UBR1: variants seen among roughly 807,000 people sequenced by gnomAD.
UBR1 encodes E3 ubiquitin-protein ligase UBR1.
UBR1 carries 102 observed loss-of-function variants against 242.1 expected under a neutral mutation model. The ratio of observed to expected loss-of-function variants is 0.42; its 90% CI spans 0.36 to 0.50. UBR1 has a LOEUF of 0.50. Ranked by LOEUF, UBR1 falls within the 20% of genes least tolerant of loss-of-function variation. The probability of loss-of-function intolerance (pLI) is 0.01; values close to 1 mark genes in which losing one functional copy is unlikely to be tolerated. For synonymous variants in UBR1, 675 were observed against 684.8 expected, an observed-to-expected ratio of 0.99 and a Z score of 0.22; for missense variants, 1,772 against 2,101.8, an observed-to-expected ratio of 0.84 and a Z score of 3.07.
At chr15:43,022,656 T>C in intron 26 of UBR1, 46 bp downstream of exon 26, 1 of 1,389,234 alleles carries the variant, frequency 7.2e-7, no homozygotes, top group Non-Finnish European at 1.0e-6. Context: ...CCTTAAGATC[T>C]AGACTTTCAA....
chr15:42,981,404 G>A (rs2032376003), intron 37 of UBR1, among the ~76,000 whole-genome samples: 1 of 152,124 alleles, frequency 6.6e-6, no homozygotes, highest in Admixed American at 6.6e-5. Context: ...TATCTATTAT[G>A]TGTACTCCCT....
chr15:43,053,959 T>C (rs2033586267), intron 12 of UBR1, among the ~76,000 whole-genome samples: 2 of 152,132 alleles, frequency 1.3e-5, no homozygotes, highest in Admixed American at 1.3e-4. Context: ...CATGGCAATT[T>C]TTAAAAAATG....
chr15:43,061,841 T>A (rs1324478537), intron 6 of UBR1, among the ~76,000 whole-genome samples: 2 of 152,018 alleles, frequency 1.3e-5, no homozygotes, highest in African/African-American at 4.8e-5. Flanking sequence ...GATAAAAGAC[T>A]ACAAATAGGA....
rs961246072 is a variant in UBR1, at chr15:42,984,090, G to A, written c.4054-97C>T. ...TGGTAAAAACCAACTCTAGTTTGTC[G>A]GAATTAGCTGCAGACTCATTATATA... On this transcript the variant is annotated intron_variant, in intron 36 of 46. Coordinates refer to ENST00000290650, the MANE Select transcript of UBR1 (RefSeq NM_174916.3). 30 of 790,686 alleles carry A rather than the reference G, an allele frequency of 3.8e-5. 1 individual carries two copies. Among genetic ancestry groups the A allele is most frequent in the Admixed American group, 6.9e-5 (3 of 43,308 alleles). 49.0% of individuals were successfully genotyped at this position (790,686 alleles called of 1,614,324 possible).
intron 22 of UBR1, among the ~76,000 whole-genome samples, 180 bp from the exon 23 acceptor site, chr15:43,026,843 C>A (rs1567130093): frequency 6.6e-6 from 1 of 152,048 alleles, no homozygotes; most frequent in Non-Finnish European, 1.5e-5. Flanking sequence ...GAACACAAAG[C>A]CTGATAACAG....
chr15:43,009,763 CTCTG>C (rs2032889528), intron 29 of UBR1, among the ~76,000 whole-genome samples: 1 of 152,192 alleles, frequency 6.6e-6, no homozygotes. Context: ...ACAATGTTGT[CTCTG>C]TCTGTGCAAG....
chr15:42,960,202 A>T (rs534778648), intron 43 of UBR1, among the ~76,000 whole-genome samples: 2 of 152,328 alleles, frequency 1.3e-5, no homozygotes, highest in Admixed American at 1.3e-4. Context: ...AGGGCTGAAG[A>T]AAAGTTTTTG....
intron 16 of UBR1, 45 bp from the exon 17 acceptor site, chr15:43,037,928 G>A: frequency 6.5e-7 from 1 of 1,544,488 alleles, no homozygotes; most frequent in Non-Finnish European, 8.9e-7. Context: ...ACAGAGCTTA[G>A]ATGTGTCTCC....
intron 3 of UBR1, among the ~76,000 whole-genome samples, chr15:43,078,095 G>A (rs887436970): frequency 6.6e-6 from 1 of 152,168 alleles, no homozygotes; most frequent in South Asian, 2.1e-4. Flanking sequence ...GTACAGAGGT[G>A]CAGAGGACTT....
intron 27 of UBR1, among the ~76,000 whole-genome samples, chr15:43,019,190 T>C (rs1351281055): frequency 2.0e-5 from 3 of 152,010 alleles, no homozygotes; most frequent in Non-Finnish European, 4.4e-5. Flanking sequence ...GCCTCCTGAG[T>C]AGCTGGGACT....
intron 4 of UBR1, among the ~76,000 whole-genome samples, chr15:43,072,173 G>T (rs1418094770): frequency 6.6e-6 from 1 of 151,794 alleles, no homozygotes; most frequent in Non-Finnish European, 1.5e-5. Context: ...CTTTTCATAC[G>T]ATATAAAATG....
chr15:43,017,089 T>C lies in UBR1; in HGVS notation c.3027+6A>G. The stretch of plus-strand genomic sequence containing the variant: ...CCATTACTACAGTGTTATTACAGTG[T>C]CATACCTCATCATTCTTAATAGATT... On this transcript the variant is annotated splice_donor_region_variant and intron_variant, in intron 28 of 46. Transcript: ENST00000290650. The C allele has an allele frequency of 6.2e-7, 1 of 1,606,314 alleles. No homozygotes were observed. The highest frequency in any genetic ancestry group is 8.5e-7 in the Non-Finnish European group (1 of 1,173,138).
At chr15:42,977,751 A>G in intron 38 of UBR1, 129 bp downstream of exon 38, 1 of 753,654 alleles carries the variant, frequency 1.3e-6, no homozygotes, top group Non-Finnish European at 2.3e-6. Flanking sequence ...AACAATGGAC[A>G]GGAGAGACCA....
intron 27 of UBR1, 28 bp from the exon 28 acceptor site, chr15:43,017,209 G>A (rs1355273814): frequency 5.2e-6 from 8 of 1,539,820 alleles, no homozygotes; most frequent in African/African-American, 1.4e-5. Flanking sequence ...AACGTTAAAA[G>A]AGTTAGTTAG....
intron 1 of UBR1, among the ~76,000 whole-genome samples, chr15:43,093,181 G>A (rs2034123375): frequency 6.6e-6 from 1 of 152,170 alleles, no homozygotes; most frequent in Admixed American, 6.5e-5. Context: ...CTAGAGATAT[G>A]TTTTCAACTC....
chr15:43,066,782 C>A (rs2033757364), intron 6 of UBR1, among the ~76,000 whole-genome samples: 1 of 152,054 alleles, frequency 6.6e-6, no homozygotes, highest in Non-Finnish European at 1.5e-5. Flanking sequence ...TCAAAATTTG[C>A]ATTGTTTTGT....
intron 20 of UBR1, among the ~76,000 whole-genome samples, chr15:43,031,260 A>G (rs76068697): frequency 1.3e-5 from 2 of 149,324 alleles, no homozygotes; most frequent in Non-Finnish European, 3.0e-5. Context: ...AAATCACAAG[A>G]AAAAAAAAAC....
chr15:43,010,709 C>T lies in UBR1; in HGVS notation c.3210-3425G>A, dbSNP rs139823158. Among the ~76,000 whole-genome samples, 76 of 151,706 alleles carry T rather than the reference C, an allele frequency of 5.0e-4. 1 individual carries two copies. In the East Asian group the frequency reaches 0.014, roughly 27 times the overall value. On this transcript the variant is annotated intron_variant, in intron 29 of 46. Transcript: ENST00000290650. Reference sequence around the variant, plus strand: ...TAATTTGGCTGGGCACACTAGCTCACGCCTTGTAATCCCAGCACTCTGGGA... The same window carrying T: ...TAATTTGGCTGGGCACACTAGCTCATGCCTTGTAATCCCAGCACTCTGGGA...
chr15:42,966,249 C>T lies in UBR1; in HGVS notation c.4495G>A (p.Val1499Ile). The T allele has an allele frequency of 6.2e-7, 1 of 1,614,108 alleles. No homozygotes were observed. Among genetic ancestry groups the T allele is most frequent in the Non-Finnish European group, 8.5e-7 (1 of 1,180,022 alleles). ...GGGGTGATGCCATTCTTCAGTGAGA[C>T]CCACAAATACCAGCCAGGAATATCA... ...GCDIPGWYLW[V>I]SLKNGITPYL... Residue 1499 changes from valine to isoleucine, a missense_variant, in exon 41 of 47, where the codon GTC becomes ATC. Around this residue, in one of 3 missense-constraint regions of UBR1, gnomAD observed 965 missense variants for 1,079.7 expected, o/e 0.89. Coordinates refer to ENST00000290650, the MANE Select transcript of UBR1 (RefSeq NM_174916.3).
Sources: gnomAD v4.1 joint callset for allele counts (sites outside exome capture counted in the v4.1 genomes callset) on GRCh38, gnomAD v4.1.1 for gene constraint, gnomAD v4.1.1 regional missense constraint, MANE v1.5 for transcripts, NCBI Gene and HGNC (gene_info 2026-07-23, HGNC 2026-07-21) for gene names.